The following GLT6D1 variants were observed in gnomAD, a reference collection of about 807,000 sequenced individuals.
The protein encoded by GLT6D1 is putative glycosyltransferase 6 domain-containing protein 1.
GLT6D1 carries 9 observed loss-of-function variants against 12.3 expected under a neutral mutation model. The observed-to-expected ratio is 0.73, with a 90% CI of 0.44 to 1.27. GLT6D1 has a LOEUF of 1.27. Ranked by LOEUF, GLT6D1 falls within the 50% of genes most tolerant of loss-of-function variation. The pLI is 0.00. For synonymous variants in GLT6D1, 128 were observed against 132.3 expected (o/e 0.97, Z 0.23); for missense variants, 335 against 346.2 (o/e 0.97, Z 0.26).
In GLT6D1 at chr9:135,624,017, G is replaced by A; in HGVS notation, c.*80C>T. On this transcript the variant is annotated 3_prime_UTR_variant, in exon 5 of 5. Coordinates refer to ENST00000371763, the MANE Select transcript of GLT6D1 (RefSeq NM_182974.3). ...TGGCGTAATTCATAATTTCCTCTGG[G>A]AATCATGTGCGACCTTGACGTATTG... 1 of 839,434 alleles carries A rather than the reference G, an allele frequency of 1.2e-6. No individual in the cohort carries two copies. Among genetic ancestry groups the A allele is most frequent in the African/African-American group, 1.7e-5 (1 of 58,330 alleles). 52.0% of individuals were successfully genotyped at this position (839,434 alleles called of 1,614,324 possible). A position where few individuals can be genotyped will look rare whatever the true frequency, so the allele number is the denominator to read the frequency against.
rs754546707 is a variant in GLT6D1 at position 135,624,580 on chromosome 9, G to A, written c.348C>T (p.Asp116=). Residue 116 remains aspartate (D), a synonymous_variant, in exon 5 of 5, where the codon GAC becomes GAT. Coordinates refer to ENST00000371763, the MANE Select transcript of GLT6D1 (RefSeq NM_182974.3). Reference sequence around the variant, plus strand: ...CTATGTCAGGCAGCTTGAAGAAGGCGTCCACCATGATGTAGAAGATCACTC... The same window carrying A: ...CTATGTCAGGCAGCTTGAAGAAGGCATCCACCATGATGTAGAAGATCACTC... ...GYRVIFYIMV[D]AFFKLPDIEP... is the part of the protein sequence containing the mutation. 6.4e-5 allele frequency: 103 copies of A among 1,613,552 alleles called. No homozygotes were observed. The highest frequency in any genetic ancestry group is 1.7e-4 in the Admixed American group (10 of 60,002).
chr9:135,638,222 T>C (rs1833820304), intron 2 of GLT6D1, among the ~76,000 whole-genome samples: 1 of 152,166 alleles, frequency 6.6e-6, no homozygotes, highest in Non-Finnish European at 1.5e-5. Flanking sequence ...TTCACTATCA[T>C]GAGAATAGCA....
chr9:135,625,385 C>T (rs1833484408), intron 4 of GLT6D1, among the ~76,000 whole-genome samples: 1 of 152,146 alleles, frequency 6.6e-6, no homozygotes, highest in African/African-American at 2.4e-5. Context: ...AGTAGACCAT[C>T]TCCAAGACAA....
intron 4 of GLT6D1, among the ~76,000 whole-genome samples, chr9:135,624,907 T>TA (rs1189998176): frequency 2.0e-5 from 3 of 149,610 alleles, no homozygotes; most frequent in Non-Finnish European, 3.0e-5. Flanking sequence ...TTTTTTTTTT[T>TA]TTTTTTTTGT....
intron 2 of GLT6D1, among the ~76,000 whole-genome samples, chr9:135,637,274 C>T (rs12338160): frequency 0.058 from 8,625 of 149,542 alleles, 448 homozygotes; most frequent in African/African-American, 0.14. Context: ...TGAACCACAG[C>T]TTGTTTATCA....
intron 2 of GLT6D1, among the ~76,000 whole-genome samples, chr9:135,632,317 G>C (rs2119143111): frequency 6.6e-6 from 1 of 152,158 alleles, no homozygotes; most frequent in South Asian, 2.1e-4. Context: ...ATTATTTGTA[G>C]AGACAGGGTC....
intron 3 of GLT6D1, among the ~76,000 whole-genome samples, chr9:135,629,378 G>C (rs949910967): frequency 6.6e-6 from 1 of 151,800 alleles, no homozygotes; most frequent in Non-Finnish European, 1.5e-5. Context: ...TGATTATTTA[G>C]GAGTGAACTG....
At chr9:135,632,742 A>G (rs545145753) in intron 2 of GLT6D1, among the ~76,000 whole-genome samples, 2 of 148,900 alleles carry the variant, frequency 1.3e-5, no homozygotes, top group East Asian at 2.0e-4. Flanking sequence ...ATCTCAGCTC[A>G]CCGCAACCTC....
At position 135,624,634 on chromosome 9, in the gene GLT6D1, GGA is replaced by G. The variant is rs760098918; in HGVS notation, c.292_293del (p.Ser98ArgfsTer3). 1 of 1,607,128 alleles carries G rather than the reference GGA, an allele frequency of 6.2e-7. No individual in the cohort carries two copies. The highest frequency in any genetic ancestry group is 8.5e-7 in the Non-Finnish European group (1 of 1,176,342). ...AEEYLRPFLH[S>X]ANKHFMTGYR... ...AGCCTGTCATGAAGTGCTTATTTGC[GGA>G]GTGTAGGAACGGCCTCAGGTACTCC... On this transcript the variant is annotated frameshift_variant, in exon 5 of 5. Coordinates refer to ENST00000371763, the MANE Select transcript of GLT6D1 (RefSeq NM_182974.3). LOFTEE classifies it low-confidence loss of function (END_TRUNC).
rs760584231 is a variant in GLT6D1, at chr9:135,631,426, C to A, written c.119+5G>T. 20 of 1,607,718 alleles carry A rather than the reference C, an allele frequency of 1.2e-5. No homozygotes were observed. The highest frequency in any genetic ancestry group is 1.0e-5 in the Non-Finnish European group (12 of 1,174,308). On this transcript the variant is annotated splice_donor_5th_base_variant and intron_variant, in intron 3 of 4. Coordinates refer to ENST00000371763, the MANE Select transcript of GLT6D1 (RefSeq NM_182974.3). ...GTGCATGTAAACAGGCATTTTTGTT[C>A]TTACCTAGGATGAAACCAGTCTGAG...
chr9:135,632,750 C>A (rs1018303986), intron 2 of GLT6D1, among the ~76,000 whole-genome samples: 3 of 151,792 alleles, frequency 2.0e-5, no homozygotes, highest in Admixed American at 1.3e-4. Flanking sequence ...TCACCGCAAC[C>A]TCCACCTCTT....
chr9:135,636,330 G>A (rs1018324648), intron 2 of GLT6D1, among the ~76,000 whole-genome samples: 21 of 152,116 alleles, frequency 1.4e-4, no homozygotes, highest in African/African-American at 4.8e-4. Context: ...CTCCAGTCAG[G>A]GTGACAGAGT....
intron 3 of GLT6D1, among the ~76,000 whole-genome samples, chr9:135,627,237 T>TA (rs1329918951): frequency 5.3e-4 from 21 of 39,974 alleles, no homozygotes; most frequent in South Asian, 3.1e-3. Context: ...CTAAGGAATC[T>TA]TAAAAAAAAA....
intron 2 of GLT6D1, among the ~76,000 whole-genome samples, chr9:135,632,833 A>G (rs146261864): frequency 0.16 from 24,198 of 151,958 alleles, 1,968 homozygotes; most frequent in South Asian, 0.18. Flanking sequence ...ACACCCAGCT[A>G]TTTTTTGTGT....
Position 135,628,031 on chromosome 9 carries a change from A to G in GLT6D1, c.120-1825T>C, listed in dbSNP as rs144155285. On this transcript the variant is annotated intron_variant, in intron 3 of 4. Coordinates refer to ENST00000371763, the MANE Select transcript of GLT6D1 (RefSeq NM_182974.3). The stretch of plus-strand genomic sequence containing the variant: ...GATCCTTTGCCCATTTTAAATTACT[A>G]TTTGTCATTTTGTTGTTTAATGATA... Among the ~76,000 whole-genome samples, 330 of 152,016 alleles carry G rather than the reference A, an allele frequency of 2.2e-3. 1 individual carries two copies. The highest frequency in any genetic ancestry group is 3.3e-3 in the Non-Finnish European group (222 of 67,922).
chr9:135,636,764 C>T (rs1930745), intron 2 of GLT6D1, among the ~76,000 whole-genome samples: 43,213 of 152,066 alleles, frequency 0.28, 6,554 homozygotes, highest in East Asian at 0.43. Context: ...TTATACAGCA[C>T]GCAGCCTTTT....
chr9:135,624,879 G>A (rs1268948142), intron 4 of GLT6D1, among the ~76,000 whole-genome samples: 1 of 146,916 alleles, frequency 6.8e-6, no homozygotes, highest in African/African-American at 2.5e-5. Context: ...ACAGGCACCT[G>A]CCACCACGCC....
intron 3 of GLT6D1, among the ~76,000 whole-genome samples, chr9:135,628,469 G>A (rs1022680579): frequency 1.3e-5 from 2 of 151,894 alleles, no homozygotes; most frequent in African/African-American, 4.8e-5. Context: ...TTTTTTATAT[G>A]TTGCTGGATT....
In GLT6D1 at chr9:135,624,619, G is replaced by A. The variant is rs772933599; in HGVS notation, c.309C>T (p.Phe103=). The change falls in exon 5 of 5, where the codon TTC becomes TTT. Residue 103 remains phenylalanine (F), a synonymous_variant. Transcript: ENST00000371763. ...AGAAGATCACTCGGTAGCCTGTCAT[G>A]AAGTGCTTATTTGCGGAGTGTAGGA... is the stretch of plus-strand genomic sequence containing the variant. ...RPFLHSANKH[F]MTGYRVIFYI... 2.5e-6 allele frequency: 4 copies of A among 1,611,058 alleles called. No individual in the cohort carries two copies. The highest frequency in any genetic ancestry group is 3.4e-6 in the Non-Finnish European group (4 of 1,178,752).
Sources: allele counts gnomAD v4.1 joint callset (sites outside exome capture counted in the v4.1 genomes callset), GRCh38; gene constraint gnomAD v4.1.1; transcripts MANE v1.5; gene names NCBI Gene and HGNC (gene_info 2026-07-23, HGNC 2026-07-21).